SAP30BP: variants seen among roughly 807,000 people sequenced by gnomAD.
The protein encoded by SAP30BP is SAP30 binding protein.
SAP30BP carries 31 observed loss-of-function variants against 46.3 expected under a neutral mutation model. The observed-to-expected ratio is 0.67, with a 90% confidence interval of 0.50 to 0.90. SAP30BP has a LOEUF of 0.90. SAP30BP is among the 40% of genes least tolerant of loss of function. The probability of loss-of-function intolerance (pLI) is 0.00; values close to 1 mark genes in which losing one functional copy is unlikely to be tolerated. For synonymous variants in SAP30BP, 169 were observed against 144.2 expected (o/e 1.17, Z -1.23); for missense variants, 312 against 391.0 (o/e 0.80, Z 1.70).
chr17:75,673,370 A>G (rs1217017592), intron 3 of SAP30BP, among the ~76,000 whole-genome samples: 1 of 152,206 alleles, frequency 6.6e-6, no homozygotes, highest in Non-Finnish European at 1.5e-5. Context: ...AAAGTCAGTC[A>G]CAGCTCTCCT....
At chr17:75,673,979 T>C (rs577966289) in intron 3 of SAP30BP, among the ~76,000 whole-genome samples, 22 of 152,336 alleles carry the variant, frequency 1.4e-4, no homozygotes, top group African/African-American at 5.1e-4. Context: ...TGAGGAGCCC[T>C]CAGAAATCAG....
intron 4 of SAP30BP, among the ~76,000 whole-genome samples, chr17:75,696,812 A>G (rs576118181): frequency 0.011 from 1,298 of 115,196 alleles, 10 homozygotes; most frequent in South Asian, 0.024. Context: ...TTTGTCACCC[A>G]GGCTGGAGGG....
chr17:75,694,892 A>G (rs1009108163), intron 4 of SAP30BP, among the ~76,000 whole-genome samples: 1 of 152,200 alleles, frequency 6.6e-6, no homozygotes, highest in African/African-American at 2.4e-5. Flanking sequence ...ACTTTTTGGA[A>G]ATAGCTTTAT....
At chr17:75,691,269 T>A (rs2060237686) in intron 3 of SAP30BP, 1 of 366,200 alleles carries the variant, frequency 2.7e-6, no homozygotes, top group Admixed American at 3.7e-5. Context: ...CTACCCAGTT[T>A]ATTTATTTCT....
chr17:75,669,633 C>T (rs2148365637), intron 2 of SAP30BP, among the ~76,000 whole-genome samples: 1 of 152,278 alleles, frequency 6.6e-6, no homozygotes, highest in Non-Finnish European at 1.5e-5. Flanking sequence ...TCAAGCAATT[C>T]CCCTGCCTCA....
At chr17:75,677,726 A>AT in intron 3 of SAP30BP, among the ~76,000 whole-genome samples, 1 of 143,938 alleles carries the variant, frequency 6.9e-6, no homozygotes, top group East Asian at 2.0e-4. Context: ...GATTACAGGC[A>AT]TGGGAATCCC....
At chr17:75,667,860 T>C (rs141971513) in intron 1 of SAP30BP, among the ~76,000 whole-genome samples, 1 of 152,342 alleles carries the variant, frequency 6.6e-6, no homozygotes, top group East Asian at 1.9e-4. Flanking sequence ...TTATAACTTT[T>C]AGTTAGGAAT....
intron 3 of SAP30BP, among the ~76,000 whole-genome samples, chr17:75,688,958 C>G (rs1369786782): frequency 6.6e-6 from 1 of 152,046 alleles, no homozygotes; most frequent in Admixed American, 6.6e-5. Context: ...CCCAGTGTGC[C>G]GCAGCCGCCT....
intron 3 of SAP30BP, among the ~76,000 whole-genome samples, chr17:75,690,416 T>C (rs376176541): frequency 6.6e-6 from 1 of 152,252 alleles, no homozygotes; most frequent in East Asian, 1.9e-4. Context: ...TATTTCAGGG[T>C]CTCCCTGTGT....
In SAP30BP at chr17:75,703,347, C is replaced by T. The variant is rs1011003139; in HGVS notation, c.525C>T (p.Asp175=). The change falls in exon 7 of 11, where the codon GAC becomes GAT. Residue 175 remains aspartate (D), a synonymous_variant. Transcript: ENST00000584667. ...AGCTGATCCAGTTCTGTGCCATTGA[C>T]GAGCTTGGCACCAACTACCCAAAGG... is the stretch of plus-strand genomic sequence containing the variant. ...YEKLIQFCAI[D]ELGTNYPKDM... 5.6e-6 allele frequency: 9 copies of T among 1,614,024 alleles called. No homozygotes were observed. The highest frequency in any genetic ancestry group is 5.3e-5 in the African/African-American group (4 of 74,932).
At chr17:75,669,287 A>G (rs1191910169) in intron 2 of SAP30BP, among the ~76,000 whole-genome samples, 1 of 152,054 alleles carries the variant, frequency 6.6e-6, no homozygotes, top group African/African-American at 2.4e-5. Flanking sequence ...TCTGTCGCCC[A>G]TGCTGGAGTG....
intron 6 of SAP30BP, chr17:75,702,998 C>G (rs906758893): frequency 3.4e-5 from 14 of 412,532 alleles, no homozygotes; most frequent in African/African-American, 2.8e-4. Context: ...ATTGAATGTT[C>G]AAGCTAGTGA....
chr17:75,679,551 T>G (rs1347915255), intron 3 of SAP30BP: 1 of 152,134 alleles, frequency 6.6e-6, no homozygotes, highest in Non-Finnish European at 1.5e-5. Flanking sequence ...GGAGCGTGAG[T>G]AAGAACTAAC....
At chr17:75,701,347 G>C (rs534084961) in intron 5 of SAP30BP, among the ~76,000 whole-genome samples, 1 of 152,168 alleles carries the variant, frequency 6.6e-6, no homozygotes, top group African/African-American at 2.4e-5. Flanking sequence ...TCTAGAGGTG[G>C]CTCTGCCATG....
At position 75,668,160 on chromosome 17, in the gene SAP30BP, A is replaced by T. The variant is rs191562452; in HGVS notation, c.107-356A>T. The T allele has an allele frequency of 1.4e-3, 293 of 205,012 alleles. 3 individuals are homozygous for T. The highest frequency in any genetic ancestry group is 7.9e-4 in the Non-Finnish European group (82 of 103,690). The allele number at this position is 205,012 out of a possible 1,614,324, so 12.7% of individuals were successfully genotyped here. ...CTTCCTCATCTGGAAAGTGAAGGGG[A>T]TTGGATTAGGTTAGGTACTTCCATG... On this transcript the variant is annotated intron_variant, in intron 1 of 10. Coordinates refer to ENST00000584667, the MANE Select transcript of SAP30BP (RefSeq NM_013260.8).
chr17:75,676,026 C>G (rs558218094), intron 3 of SAP30BP, among the ~76,000 whole-genome samples: 1 of 152,346 alleles, frequency 6.6e-6, no homozygotes, highest in African/African-American at 2.4e-5. Flanking sequence ...CTTTACAAAT[C>G]TCTTTAATGT....
At chr17:75,690,256 T>G (rs1176199299) in intron 3 of SAP30BP, among the ~76,000 whole-genome samples, 1 of 152,212 alleles carries the variant, frequency 6.6e-6, no homozygotes, top group Non-Finnish European at 1.5e-5. Flanking sequence ...ACATGACTGG[T>G]AAGAGGGCAT....
intron 3 of SAP30BP, among the ~76,000 whole-genome samples, chr17:75,687,933 TGTGTGTGTGTGTGTGTGTGTGTGA>T (rs1402056325): frequency 3.2e-5 from 3 of 95,228 alleles, no homozygotes; most frequent in African/African-American, 1.0e-4. Context: ...TGTGTGTGTG[TGTGTGTGTGTGTGTGTGTGTGTGA>T]GAGAGACAGA....
chr17:75,706,571 C>G lies in SAP30BP; in HGVS notation c.*50C>G. On this transcript the variant is annotated 3_prime_UTR_variant, in exon 11 of 11. Coordinates refer to ENST00000584667, the MANE Select transcript of SAP30BP (RefSeq NM_013260.8). This position sits in a 1 kb window ranked among gnomAD's most constrained non-coding sequence, Gnocchi z 4.6. ...AAAGGACCGTGCAGCCCAGTGACCA[C>G]TGCCCAGTGGGAGGCGCCACTTTGT... 1 of 1,548,168 alleles carries G rather than the reference C, an allele frequency of 6.5e-7. No individual in the cohort carries two copies. Among genetic ancestry groups the G allele is most frequent in the Non-Finnish European group, 8.9e-7 (1 of 1,125,742 alleles).
Sources: allele counts gnomAD v4.1 joint callset (sites outside exome capture counted in the v4.1 genomes callset), GRCh38; gene constraint gnomAD v4.1.1; non-coding constraint Gnocchi (gnomAD v3.1); transcripts MANE v1.5; gene names NCBI Gene and HGNC (gene_info 2026-07-23, HGNC 2026-07-21).